The following ABCC6 variants were observed in gnomAD, a reference collection of about 807,000 sequenced individuals.
ABCC6 encodes ATP binding cassette subfamily C member 6.
A neutral mutation model predicts 169.5 loss-of-function variants in ABCC6; 126 were observed. The ratio of observed to expected loss-of-function variants is 0.74; its 90% CI spans 0.64 to 0.86. The LOEUF (loss-of-function observed/expected upper bound fraction) is 0.86, where lower values mean the gene tolerates loss of function less well. Ranked by LOEUF, ABCC6 falls within the 40% of genes least tolerant of loss-of-function variation. ABCC6 has a pLI of 0.00. For synonymous variants in ABCC6, 752 were observed against 814.7 expected (o/e 0.92, Z 1.31); for missense variants, 1,733 against 1,927.2 (o/e 0.90, Z 1.89).
intron 21 of ABCC6, 158 bp downstream of exon 21, chr16:16,173,126 G>T: frequency 1.1e-6 from 1 of 882,132 alleles, no homozygotes; most frequent in Admixed American, 2.4e-5. Context: ...TAGGGTGGTT[G>T]TGAGGATTAA....
chr16:16,172,984 GT>G, intron 21 of ABCC6: 1 of 436,244 alleles, frequency 2.3e-6, no homozygotes, highest in Non-Finnish European at 4.2e-6. Context: ...CGAGGCTGCA[GT>G]GAGCTATGAT....
intron 22 of ABCC6, among the ~76,000 whole-genome samples, chr16:16,168,278 C>G (rs1039511834): frequency 6.6e-6 from 1 of 152,230 alleles, no homozygotes. Flanking sequence ...ATTGCCTGAG[C>G]CCAGGAGTTT....
rs2047519868 is a variant in ABCC6 at position 16,182,792 on chromosome 16, G to A, written c.2070+12C>T. ...GGGGACATCCTAGCAGACAGGCTGG[G>A]GGTGGCCTCACCTCGATGCTCACGA... On this transcript the variant is annotated intron_variant, in intron 16 of 30. Transcript: ENST00000205557. 1 of 1,613,824 alleles carries A rather than the reference G, an allele frequency of 6.2e-7. No homozygotes were observed. The highest frequency in any genetic ancestry group is 1.3e-5 in the African/African-American group (1 of 74,910).
intron 7 of ABCC6, 27 bp from the exon 8 acceptor site, chr16:16,203,640 G>A: frequency 6.2e-7 from 1 of 1,613,024 alleles, no homozygotes; most frequent in Non-Finnish European, 8.5e-7. Context: ...GATTAGCTCT[G>A]GGTCCCATTT....
chr16:16,186,432 G>T (rs1342900946), intron 14 of ABCC6, among the ~76,000 whole-genome samples: 1 of 151,890 alleles, frequency 6.6e-6, no homozygotes, highest in Non-Finnish European at 1.5e-5. Flanking sequence ...GGAGGTGAGC[G>T]CAGGGCAGGT....
intron 7 of ABCC6, among the ~76,000 whole-genome samples, chr16:16,206,918 C>T (rs1357275801): frequency 6.6e-6 from 1 of 152,162 alleles, no homozygotes; most frequent in Non-Finnish European, 1.5e-5. Context: ...AGGCAGATCC[C>T]CTGAGGTCAG....
At chr16:16,182,675 G>A in intron 16 of ABCC6, 87 bp from the exon 17 acceptor site, 1 of 1,586,402 alleles carries the variant, frequency 6.3e-7, no homozygotes, top group East Asian at 2.2e-5. Context: ...TGGGCTCTCA[G>A]TGGTGGGTGA....
At chr16:16,214,796 G>C (rs2048789915) in intron 4 of ABCC6, among the ~76,000 whole-genome samples, 1 of 152,098 alleles carries the variant, frequency 6.6e-6, no homozygotes, top group Admixed American at 6.5e-5. Context: ...TTTTAGTAGA[G>C]ATGGGGTTTT....
In ABCC6 at chr16:16,182,892, A is replaced by G. The variant is rs1209896068; in HGVS notation, c.1982T>C (p.Val661Ala). 8.7e-6 allele frequency: 14 copies of G among 1,614,042 alleles called. No individual in the cohort carries two copies. Among genetic ancestry groups the G allele is most frequent in the Non-Finnish European group, 1.1e-5 (13 of 1,179,994 alleles). The change falls in exon 16 of 31, where the codon GTT becomes GCT. Residue 661 changes from valine to alanine, a missense_variant. By Grantham distance (64) the Val-to-Ala change is moderately conservative (BLOSUM62 0). Coordinates refer to ENST00000205557, the MANE Select transcript of ABCC6 (RefSeq NM_001171.6). ...CTTCCCTGCCCCCACTGGACCGACA[A>G]CAGCCAGCAGACAGCCCTGGGGCAC... is the stretch of plus-strand genomic sequence containing the variant. The part of the protein sequence containing the change: ...LTVPQGCLLA[V>A]VGPVGAGKSS...
chr16:16,169,573 T>C (rs989464493), intron 22 of ABCC6, 73 bp downstream of exon 22: 19 of 1,541,060 alleles, frequency 1.2e-5, no homozygotes, highest in African/African-American at 2.7e-5. Context: ...CAGGGAGGGG[T>C]GGGGTAAAGG....
In ABCC6 at chr16:16,161,584, C is replaced by T. The variant is rs1396481028; in HGVS notation, c.3507-20G>A. 6.2e-7 allele frequency: 1 copy of T among 1,613,792 alleles called. No homozygotes were observed. The highest frequency in any genetic ancestry group is 1.7e-5 in the Admixed American group (1 of 60,032). ...AGCCACCTGCAAAGGGAAGCGACAG[C>T]AGGGTGAGTGGTTACTCTCATCTGC... is the stretch of plus-strand genomic sequence containing the variant. On this transcript the variant is annotated intron_variant, in intron 24 of 30. Coordinates refer to ENST00000205557, the MANE Select transcript of ABCC6 (RefSeq NM_001171.6).
chr16:16,177,404 AG>A (rs2047311902), intron 19 of ABCC6, 47 bp downstream of exon 19: 1 of 1,610,796 alleles, frequency 6.2e-7, no homozygotes. Flanking sequence ...TTTTCCCCCA[AG>A]GGTGGCAGGA....
Position 16,177,501 on chromosome 16 carries a change from G to T in ABCC6, c.2541C>A (p.Leu847=). 1.2e-6 allele frequency: 2 copies of T among 1,613,816 alleles called. No individual in the cohort carries two copies. Among genetic ancestry groups the T allele is most frequent in the South Asian group, 2.2e-5 (2 of 91,038 alleles). Reference sequence around the variant, plus strand: ...GTCTGGCTTGATCCAGAAGACACATGAGGGCCCCCTTCCTCTGCAGAAGCT... The same window carrying T: ...GTCTGGCTTGATCCAGAAGACACATTAGGGCCCCCTTCCTCTGCAGAAGCT... ...YQELLQRKGA[L]MCLLDQARQP... is the part of the protein sequence containing the mutation. The change falls in exon 19 of 31, where the codon CTC becomes CTA. Residue 847 remains leucine, a synonymous_variant. Transcript: ENST00000205557.
rs763622746 is a variant in ABCC6 at position 16,185,010 on chromosome 16, A to G, written c.1892T>C (p.Ile631Thr). 6 of 1,613,658 alleles carry G rather than the reference A, an allele frequency of 3.7e-6. No individual in the cohort carries two copies. In the African/African-American group the frequency reaches 8.0e-5, roughly 22 times the overall value. ...GSAAGKDCIT[I>T]HSATFAWSQE... The stretch of plus-strand genomic sequence containing the variant: ...GGACCAGGCGAAGGTGGCACTGTGT[A>G]TGGTGATGCAATCCTTCCCGGCAGC... Residue 631 changes from isoleucine to threonine, a missense_variant, in exon 15 of 31, where the codon ATA (isoleucine) becomes ACA (threonine). Ile to Thr is a moderately conservative substitution (Grantham distance 89). This residue lies in a region of ABCC6 where 1,601 missense variants were observed against 1,635.5 expected (regional missense o/e 0.98). Coordinates refer to ENST00000205557, the MANE Select transcript of ABCC6 (RefSeq NM_001171.6).
chr16:16,197,514 G>A lies in ABCC6; in HGVS notation c.1338+507C>T, dbSNP rs542710012. 1.9e-3 allele frequency among the ~76,000 whole-genome samples: 294 copies of A among 150,958 alleles called. 2 individuals are homozygous for A. Among genetic ancestry groups the A allele is most frequent in the Non-Finnish European group, 3.1e-3 (208 of 67,782 alleles). ...AGAGCAGAGGGAAGAGAGGGAGGAC[G>A]GTAGAGGAGAAGAAGGGAGAAGGGA... On this transcript the variant is annotated intron_variant, in intron 10 of 30. Transcript: ENST00000205557.
At chr16:16,157,200 G>C (rs913890827) in intron 27 of ABCC6, among the ~76,000 whole-genome samples, 1 of 152,230 alleles carries the variant, frequency 6.6e-6, no homozygotes, top group Middle Eastern at 3.4e-3. Flanking sequence ...CACTTTCTAT[G>C]AGCTAAGCAT....
chr16:16,192,912 G>C lies in ABCC6; in HGVS notation c.1349C>G (p.Pro450Arg). 1 of 1,614,110 alleles carries C rather than the reference G, an allele frequency of 6.2e-7. No homozygotes were observed. The highest frequency in any genetic ancestry group is 1.1e-5 in the South Asian group (1 of 91,074). ...CFVYLWQLLG[P>R]SALTAIAVFL... is the part of the protein sequence containing the mutation. ...GACAGCGATGGCAGTGAGGGCGGAG[G>C]GCCCCAGGAGCTGGGGATAGAAGGG... The change falls in exon 11 of 31, where the codon CCC (proline) becomes CGC (arginine). Residue 450 changes from proline to arginine, a missense_variant. Physicochemically the swap from Pro to Arg is moderately radical, Grantham distance 103 (BLOSUM62 -2). Coordinates refer to ENST00000205557, the MANE Select transcript of ABCC6 (RefSeq NM_001171.6).
Position 16,177,469 on chromosome 16 carries a change from C to T in ABCC6, c.2573G>A (p.Gly858Glu). The change falls in exon 19 of 31, where the codon GGA becomes GAA. Residue 858 changes from glycine to glutamate, a missense_variant. Around this residue, in one of 5 missense-constraint regions of ABCC6, gnomAD observed 1,601 missense variants for 1,635.5 expected, o/e 0.98. Transcript: ENST00000205557. Reference protein sequence around the residue: ...MCLLDQARQPGDRGEGETEPG... With the variant: ...MCLLDQARQPEDRGEGETEPG... ...CCTAGTACCTCCTTCTCCTCTATCT[C>T]CTGGCTGTCTGGCTTGATCCAGAAG... is the stretch of plus-strand genomic sequence containing the variant. The T allele has an allele frequency of 1.2e-6, 2 of 1,614,170 alleles. No homozygotes were observed. Among genetic ancestry groups the T allele is most frequent in the Non-Finnish European group, 8.5e-7 (1 of 1,180,052 alleles).
Position 16,157,813 on chromosome 16 carries a change from G to C in ABCC6, c.3736-4C>G. The stretch of plus-strand genomic sequence containing the variant: ...ATGTGGGCAGCCTCCAGGGAGCCTG[G>C]AGCAGGAGGGGAAACTGAGTCAGAG... On this transcript the variant is annotated splice_polypyrimidine_tract_variant and splice_region_variant and intron_variant, in intron 26 of 30. Coordinates refer to ENST00000205557, the MANE Select transcript of ABCC6 (RefSeq NM_001171.6). 6.2e-7 allele frequency: 1 copy of C among 1,608,988 alleles called. No individual in the cohort carries two copies. Among genetic ancestry groups the C allele is most frequent in the African/African-American group, 1.3e-5 (1 of 75,004 alleles).
Sources: gnomAD v4.1 joint callset for allele counts (sites outside exome capture counted in the v4.1 genomes callset) on GRCh38, gnomAD v4.1.1 for gene constraint, gnomAD v4.1.1 regional missense constraint, MANE v1.5 for transcripts, NCBI Gene and HGNC (gene_info 2026-07-23, HGNC 2026-07-21) for gene names.